LAPTM4A: variants seen among roughly 807,000 people sequenced by gnomAD.
LAPTM4A encodes lysosomal protein transmembrane 4 alpha, also known as lysosomal-associated transmembrane protein 4A.
Under a neutral mutation model 29.9 loss-of-function variants are expected in LAPTM4A, and 19 were observed. That is an observed-to-expected ratio of 0.64 (90% CI 0.44 to 0.93). LAPTM4A has a LOEUF of 0.93. LAPTM4A is among the 40% of genes least tolerant of loss of function. The pLI is 0.00. For synonymous variants in LAPTM4A, 105 were observed against 102.1 expected (o/e 1.03, Z -0.17); for missense variants, 293 against 288.5 (o/e 1.02, Z -0.11).
chr2:20,033,012 TAA>T lies in LAPTM4A; in HGVS notation c.*191_*192del, dbSNP rs1331791652. ...ATTGTCTTCAAAAACTATTAAAATG[TAA>T]AAGACTTAACAAAAAAACAAAAAGA... On this transcript the variant is annotated 3_prime_UTR_variant, in exon 7 of 7. Coordinates refer to ENST00000175091, the MANE Select transcript of LAPTM4A (RefSeq NM_014713.5). 7.0e-6 allele frequency: 4 copies of T among 574,706 alleles called. No homozygotes were observed. The highest frequency in any genetic ancestry group is 5.6e-5 in the African/African-American group (3 of 53,590). The allele number at this position is 574,706 out of a possible 1,614,324, so 35.6% of individuals were successfully genotyped here. A position where few individuals can be genotyped will look rare whatever the true frequency, so the allele number is the denominator to read the frequency against.
intron 4 of LAPTM4A, 100 bp downstream of exon 4, chr2:20,037,216 G>C: frequency 1.1e-6 from 1 of 945,042 alleles, no homozygotes; most frequent in East Asian, 2.6e-5. Flanking sequence ...AAAAGCAAGC[G>C]GAGTAGTTAA....
chr2:20,043,821 A>G (rs1673858062), intron 1 of LAPTM4A, among the ~76,000 whole-genome samples: 1 of 151,398 alleles, frequency 6.6e-6, no homozygotes, highest in South Asian at 2.1e-4. Flanking sequence ...TAGATGGGGA[A>G]ACTTAAGATT....
At chr2:20,038,703 C>T (rs576590585) in intron 2 of LAPTM4A, among the ~76,000 whole-genome samples, 2 of 152,132 alleles carry the variant, frequency 1.3e-5, no homozygotes, top group African/African-American at 4.8e-5. Flanking sequence ...GGGGGATGGG[C>T]ACGGCAACCC....
At chr2:20,033,300 G>GT (rs1185864836) in intron 6 of LAPTM4A, 21 bp from the exon 7 acceptor site, 3 of 1,580,736 alleles carry the variant, frequency 1.9e-6, no homozygotes, top group Admixed American at 1.7e-5. Flanking sequence ...AAAAAAAATT[G>GT]TATCAGATTT....
intron 1 of LAPTM4A, among the ~76,000 whole-genome samples, chr2:20,048,490 AATGAATATTTT>A (rs1173537159): frequency 1.3e-5 from 2 of 152,246 alleles, no homozygotes; most frequent in African/African-American, 4.8e-5. Context: ...TGTACCATAC[AATGAATATTTT>A]AGTATATGGT....
chr2:20,041,552 GTGATA>G (rs1405281080), intron 1 of LAPTM4A, among the ~76,000 whole-genome samples: 1 of 152,136 alleles, frequency 6.6e-6, no homozygotes, highest in Non-Finnish European at 1.5e-5. Context: ...GTGCGTGTGT[GTGATA>G]TGGAGTCTCA....
intron 2 of LAPTM4A, among the ~76,000 whole-genome samples, chr2:20,039,566 A>G (rs568957946): frequency 2.0e-5 from 3 of 151,130 alleles, no homozygotes; most frequent in Non-Finnish European, 2.9e-5. Context: ...CCAGCCTGGT[A>G]AAGACAGGGA....
intron 1 of LAPTM4A, among the ~76,000 whole-genome samples, chr2:20,048,932 A>T (rs766784469): frequency 6.6e-6 from 1 of 152,228 alleles, no homozygotes; most frequent in Non-Finnish European, 1.5e-5. Context: ...AAGTTGGTAG[A>T]GACTGTCTTT....
At chr2:20,035,171 T>C (rs1236281129) in intron 4 of LAPTM4A, 109 bp from the exon 5 acceptor site, 3 of 727,688 alleles carry the variant, frequency 4.1e-6, no homozygotes, top group Non-Finnish European at 7.2e-6. Flanking sequence ...AAAGTGATAT[T>C]TAATAAAAAT....
chr2:20,046,643 A>G (rs1673925041), intron 1 of LAPTM4A, among the ~76,000 whole-genome samples: 1 of 149,564 alleles, frequency 6.7e-6, no homozygotes, highest in Admixed American at 6.7e-5. Flanking sequence ...ATGCACCACC[A>G]CACCATGCCC....
At position 20,040,918 on chromosome 2, in the gene LAPTM4A, T is replaced by C; in HGVS notation, c.205A>G (p.Asn69Asp). 1 of 1,613,730 alleles carries C rather than the reference T, an allele frequency of 6.2e-7. No individual in the cohort carries two copies. The highest frequency in any genetic ancestry group is 8.5e-7 in the Non-Finnish European group (1 of 1,179,652). ...GCCATTCTCTCAGACGAATAGTAATTACCGATGACTTCATACTGAATGTTG... is the reference window on the plus strand; with the variant it reads ...GCCATTCTCTCAGACGAATAGTAATCACCGATGACTTCATACTGAATGTTG... ...AVNIQYEVIG[N>D]YYSSERMADN... Residue 69 changes from asparagine to aspartate, a missense_variant, in exon 2 of 7, where the codon AAT becomes GAT. Transcript: ENST00000175091.
intron 1 of LAPTM4A, among the ~76,000 whole-genome samples, chr2:20,048,734 T>A (rs1398353914): frequency 6.6e-6 from 1 of 152,136 alleles, no homozygotes; most frequent in Non-Finnish European, 1.5e-5. Context: ...AGCAAGAGAG[T>A]ACCTTGACAA....
At chr2:20,036,889 C>T (rs1005597275) in intron 4 of LAPTM4A, among the ~76,000 whole-genome samples, 5 of 152,176 alleles carry the variant, frequency 3.3e-5, no homozygotes, top group East Asian at 1.9e-4. Context: ...CTGTAATATT[C>T]GCAGTTATCT....
intron 2 of LAPTM4A, among the ~76,000 whole-genome samples, chr2:20,040,187 TA>T (rs1164229575): frequency 6.6e-6 from 1 of 152,170 alleles, no homozygotes; most frequent in Non-Finnish European, 1.5e-5. Flanking sequence ...ACATATATTG[TA>T]ACCATAGCAA....
chr2:20,048,659 C>A (rs1468022315), intron 1 of LAPTM4A, among the ~76,000 whole-genome samples: 5 of 152,136 alleles, frequency 3.3e-5, no homozygotes, highest in Admixed American at 3.3e-4. Flanking sequence ...GTCTGTCCCA[C>A]GTAATGTAAA....
At chr2:20,045,321 C>A (rs1673894129) in intron 1 of LAPTM4A, among the ~76,000 whole-genome samples, 1 of 152,034 alleles carries the variant, frequency 6.6e-6, no homozygotes. Context: ...AATGATTAAG[C>A]TGGGGACAGT....
chr2:20,046,294 C>T (rs1483615061), intron 1 of LAPTM4A, among the ~76,000 whole-genome samples: 1 of 151,992 alleles, frequency 6.6e-6, no homozygotes, highest in Non-Finnish European at 1.5e-5. Flanking sequence ...CACATGTATA[C>T]CTATGCAACA....
At chr2:20,042,131 G>A (rs1673813168) in intron 1 of LAPTM4A, among the ~76,000 whole-genome samples, 1 of 152,116 alleles carries the variant, frequency 6.6e-6, no homozygotes, top group Non-Finnish European at 1.5e-5. Flanking sequence ...GTTGTACTGA[G>A]GTTTTTTGTT....
intron 1 of LAPTM4A, among the ~76,000 whole-genome samples, chr2:20,047,434 T>G (rs1351923255): frequency 6.8e-6 from 1 of 147,896 alleles, no homozygotes; most frequent in East Asian, 2.0e-4. Flanking sequence ...CTCACGCCTG[T>G]AATCCCAGCA....
Sources: allele counts gnomAD v4.1 joint callset (sites outside exome capture counted in the v4.1 genomes callset), GRCh38; gene constraint gnomAD v4.1.1; transcripts MANE v1.5; gene names NCBI Gene and HGNC (gene_info 2026-07-23, HGNC 2026-07-21).